The following UBE2E2 variants were observed in gnomAD, a reference collection of about 807,000 sequenced individuals.
UBE2E2 encodes the protein ubiquitin-conjugating enzyme E2 E2.
A neutral mutation model predicts 24.7 loss-of-function variants in UBE2E2; 6 were observed. The ratio of observed to expected loss-of-function variants is 0.24; its 90% CI spans 0.13 to 0.48. The LOEUF (loss-of-function observed/expected upper bound fraction) is 0.48. Ranked by LOEUF, UBE2E2 falls within the 20% of genes least tolerant of loss-of-function variation. UBE2E2 has a pLI of 0.99. For missense variants in UBE2E2, 169 were observed against 245.0 expected (o/e 0.69, Z 2.07); for synonymous variants, 104 against 83.6 (o/e 1.24, Z -1.33).
At chr3:23,289,561 T>C (rs1364052462) in intron 3 of UBE2E2, among the ~76,000 whole-genome samples, 1 of 152,240 alleles carries the variant, frequency 6.6e-6, no homozygotes, top group Non-Finnish European at 1.5e-5. Flanking sequence ...GATGAGGAAA[T>C]ACCGTTTAAG....
chr3:23,231,185 C>T (rs1696965128), intron 3 of UBE2E2, among the ~76,000 whole-genome samples: 1 of 152,188 alleles, frequency 6.6e-6, no homozygotes, highest in South Asian at 2.1e-4. Context: ...AGCTTTTGTC[C>T]TCTTCACCCA....
At chr3:23,527,687 T>G (rs766270831) in intron 4 of UBE2E2, among the ~76,000 whole-genome samples, 44 of 152,170 alleles carry the variant, frequency 2.9e-4, no homozygotes, top group Non-Finnish European at 5.3e-4. Flanking sequence ...TGACCAATGA[T>G]TTAAATCAAT....
At chr3:23,401,288 G>A (rs1392956182) in intron 3 of UBE2E2, among the ~76,000 whole-genome samples, 1 of 152,170 alleles carries the variant, frequency 6.6e-6, no homozygotes, top group Non-Finnish European at 1.5e-5. Context: ...CACTTTGGAG[G>A]CTAAGAATTA....
At chr3:23,348,312 A>G (rs1182500562) in intron 3 of UBE2E2, among the ~76,000 whole-genome samples, 1 of 151,048 alleles carries the variant, frequency 6.6e-6, no homozygotes, top group Non-Finnish European at 1.5e-5. Context: ...ATCTGGACAC[A>G]GAAGGGTGGG....
chr3:23,264,385 G>T (rs1476388406), intron 3 of UBE2E2, among the ~76,000 whole-genome samples: 1 of 151,390 alleles, frequency 6.6e-6, no homozygotes, highest in East Asian at 1.9e-4. Flanking sequence ...AAAAAAAAAG[G>T]TGGGGAGGAC....
At chr3:23,397,848 CATT>C (rs1697116206) in intron 3 of UBE2E2, among the ~76,000 whole-genome samples, 1 of 152,116 alleles carries the variant, frequency 6.6e-6, no homozygotes, top group African/African-American at 2.4e-5. Flanking sequence ...CATTCTCAGA[CATT>C]GTTACTTTCG....
intron 3 of UBE2E2, among the ~76,000 whole-genome samples, chr3:23,346,274 A>G (rs1360820493): frequency 6.6e-6 from 1 of 152,220 alleles, no homozygotes; most frequent in Non-Finnish European, 1.5e-5. Context: ...TTTGTCCAAC[A>G]TTTGGTAAAT....
intron 4 of UBE2E2, among the ~76,000 whole-genome samples, chr3:23,509,721 TC>T (rs1256772999): frequency 1.5e-4 from 13 of 86,666 alleles, no homozygotes; most frequent in African/African-American, 5.9e-4. Flanking sequence ...ATGCTATCCC[TC>T]CCCCCTCCCC....
intron 3 of UBE2E2, among the ~76,000 whole-genome samples, chr3:23,413,471 G>A (rs145966901): frequency 3.2e-4 from 48 of 152,112 alleles, no homozygotes; most frequent in Middle Eastern, 3.4e-3. Flanking sequence ...CCTTGTCCCT[G>A]CCTTTCCCTG....
At chr3:23,373,170 G>T (rs1696438825) in intron 3 of UBE2E2, among the ~76,000 whole-genome samples, 1 of 152,102 alleles carries the variant, frequency 6.6e-6, no homozygotes, top group African/African-American at 2.4e-5. Flanking sequence ...GAATCCTAGT[G>T]AACTTAAAGA....
At chr3:23,322,074 A>T (rs1559347000) in intron 3 of UBE2E2, among the ~76,000 whole-genome samples, 1 of 152,238 alleles carries the variant, frequency 6.6e-6, no homozygotes, top group Admixed American at 6.5e-5. Context: ...CAAAACATAG[A>T]AGAAAAACTT....
chr3:23,576,826 A>G (rs1696358456), intron 5 of UBE2E2, among the ~76,000 whole-genome samples: 1 of 152,184 alleles, frequency 6.6e-6, no homozygotes, highest in Admixed American at 6.5e-5. Context: ...GCTCCCGTCC[A>G]GTGAGAAAAC....
At chr3:23,327,687 C>A (rs924128933) in intron 3 of UBE2E2, among the ~76,000 whole-genome samples, 5 of 152,216 alleles carry the variant, frequency 3.3e-5, no homozygotes, top group African/African-American at 1.2e-4. Flanking sequence ...GTGACTCGTT[C>A]TCTTTTTTCC....
chr3:23,379,202 C>T (rs1277891373), intron 3 of UBE2E2, among the ~76,000 whole-genome samples: 1 of 151,864 alleles, frequency 6.6e-6, no homozygotes, highest in East Asian at 1.9e-4. Flanking sequence ...ACAGAGATTC[C>T]ACCATGTTTC....
At chr3:23,565,836 A>G (rs1193739609) in intron 5 of UBE2E2, among the ~76,000 whole-genome samples, 1 of 152,004 alleles carries the variant, frequency 6.6e-6, no homozygotes, top group African/African-American at 2.4e-5. Flanking sequence ...CGCTTCTGCC[A>G]CCTCTTTTCT....
At chr3:23,568,668 CGCACATATATGTATACATATAT>C (rs1696142640) in intron 5 of UBE2E2, among the ~76,000 whole-genome samples, 1 of 44,032 alleles carries the variant, frequency 2.3e-5, no homozygotes, top group Non-Finnish European at 4.4e-5. Context: ...TACATATATA[CGCACATATATGTATACATATAT>C]ACACACATAT....
At chr3:23,264,846 G>A (rs749541032) in intron 3 of UBE2E2, among the ~76,000 whole-genome samples, 29 of 152,260 alleles carry the variant, frequency 1.9e-4, no homozygotes, top group Middle Eastern at 3.4e-3. Context: ...AAGTGAATGG[G>A]TAATTATTTC....
intron 5 of UBE2E2, among the ~76,000 whole-genome samples, chr3:23,575,141 G>A (rs1437386588): frequency 6.6e-6 from 1 of 152,162 alleles, no homozygotes; most frequent in African/African-American, 2.4e-5. Context: ...GAATACATGT[G>A]TAGACAATGC....
chr3:23,250,154 A>G (rs1056311021), intron 3 of UBE2E2, among the ~76,000 whole-genome samples: 6 of 152,184 alleles, frequency 3.9e-5, no homozygotes, highest in Admixed American at 3.9e-4. Context: ...CTTGCAGGTG[A>G]GAAACTGCAA....
Sources: allele counts gnomAD v4.1 joint callset (sites outside exome capture counted in the v4.1 genomes callset), GRCh38; gene constraint gnomAD v4.1.1; transcripts MANE v1.5; gene names NCBI Gene and HGNC (gene_info 2026-07-23, HGNC 2026-07-21).